Variants in SLX4IP observed in about 807,000 individuals in gnomAD.
SLX4IP encodes the protein protein SLX4IP.
Under a neutral mutation model 32.9 loss-of-function variants are expected in SLX4IP, and 34 were observed. That is an observed-to-expected ratio of 1.03 (90% CI 0.79 to 1.38). The LOEUF is 1.38. SLX4IP is among the 40% of genes most tolerant of loss of function. The pLI, the probability that SLX4IP is intolerant of heterozygous loss-of-function variation, is 0.00. For missense variants in SLX4IP, 444 were observed against 479.0 expected (o/e 0.93, Z 0.68); for synonymous variants, 172 against 171.7 (o/e 1.00, Z -0.01).
chr20:10,621,526 C>A, intron 7 of SLX4IP, 112 bp downstream of exon 7: 1 of 851,844 alleles, frequency 1.2e-6, no homozygotes, highest in South Asian at 1.5e-5. Context: ...AAACTCCCCT[C>A]CGTCACGTAC....
intron 2 of SLX4IP, among the ~76,000 whole-genome samples, chr20:10,468,439 T>G (rs1484811942): frequency 6.6e-6 from 1 of 152,230 alleles, no homozygotes. Flanking sequence ...TAAATGGATC[T>G]AATCTGAACT....
At chr20:10,532,531 A>G (rs2065998415) in intron 2 of SLX4IP, among the ~76,000 whole-genome samples, 1 of 152,150 alleles carries the variant, frequency 6.6e-6, no homozygotes, top group Non-Finnish European at 1.5e-5. Flanking sequence ...AGCCACATGC[A>G]GCAGGGTGTT....
At chr20:10,590,186 T>C (rs1600135308) in intron 4 of SLX4IP, among the ~76,000 whole-genome samples, 1 of 152,108 alleles carries the variant, frequency 6.6e-6, no homozygotes, top group Non-Finnish European at 1.5e-5. Flanking sequence ...TATTAATCTT[T>C]TTAAGACCTT....
At chr20:10,533,638 G>A (rs1469966448) in intron 2 of SLX4IP, among the ~76,000 whole-genome samples, 1 of 66,046 alleles carries the variant, frequency 1.5e-5, no homozygotes, top group African/African-American at 6.7e-5. Context: ...TTTTTTTTTT[G>A]AGGCAGGGTC....
intron 4 of SLX4IP, among the ~76,000 whole-genome samples, chr20:10,565,940 A>G (rs1016241394): frequency 6.6e-5 from 10 of 152,242 alleles, no homozygotes; most frequent in Non-Finnish European, 1.5e-4. Context: ...TCAACTAAAT[A>G]ATGAAGTGAA....
chr20:10,456,293 A>G lies in SLX4IP; in HGVS notation c.-29-1883A>G, dbSNP rs375029880. Among the ~76,000 whole-genome samples, 60 of 152,172 alleles carry G rather than the reference A, an allele frequency of 3.9e-4. No homozygotes were observed. In the East Asian group the frequency reaches 8.7e-3, roughly 22 times the overall value. On this transcript the variant is annotated intron_variant, in intron 1 of 7. Coordinates refer to ENST00000334534, the MANE Select transcript of SLX4IP (RefSeq NM_001009608.3). ...ATAAGGGATACTCAGCCTGTACCAT[A>G]CTGTTTTGATTGTTGTGATGTTGTA...
intron 3 of SLX4IP, among the ~76,000 whole-genome samples, chr20:10,559,626 C>A (rs973284237): frequency 3.3e-5 from 5 of 152,052 alleles, no homozygotes; most frequent in African/African-American, 9.7e-5. Flanking sequence ...GTCACAATTT[C>A]CTGTTAGTGC....
chr20:10,533,499 G>C (rs1036020019), intron 2 of SLX4IP, among the ~76,000 whole-genome samples: 6 of 151,770 alleles, frequency 4.0e-5, no homozygotes, highest in African/African-American at 1.5e-4. Context: ...TGAATTTTTA[G>C]TAGAGGCGGG....
At chr20:10,474,632 G>A (rs1410542559) in intron 2 of SLX4IP, among the ~76,000 whole-genome samples, 6 of 152,194 alleles carry the variant, frequency 3.9e-5, no homozygotes, top group East Asian at 1.9e-4. Context: ...AGGCCAGATG[G>A]GCCTTGGGGG....
rs1302260685 is a variant in SLX4IP, at chr20:10,458,212, C to CT, written c.9dup (p.Lys4Ter). On this transcript the variant is annotated frameshift_variant, in exon 2 of 8. Coordinates refer to ENST00000334534, the MANE Select transcript of SLX4IP (RefSeq NM_001009608.3). LOFTEE classifies it high-confidence loss of function. ...CTGTGGAATCAATAAGCCATGGCAT[C>CT]TAAGAAATTTGCTGTTAAAGTAAGT... The CT allele has an allele frequency of 6.3e-7, 1 of 1,588,502 alleles. No individual in the cohort carries two copies. Among genetic ancestry groups the CT allele is most frequent in the Non-Finnish European group, 8.5e-7 (1 of 1,171,514 alleles).
chr20:10,435,566 C>T (rs1022787752), intron 1 of SLX4IP, 113 bp downstream of exon 1: 8 of 152,232 alleles, frequency 5.3e-5, no homozygotes, highest in Admixed American at 5.2e-4. Context: ...TTTCCGAATC[C>T]TTCTCCCTGT....
chr20:10,586,415 C>T (rs2066645901), intron 4 of SLX4IP, among the ~76,000 whole-genome samples: 1 of 152,034 alleles, frequency 6.6e-6, no homozygotes, highest in Non-Finnish European at 1.5e-5. Context: ...ATAGAAAGTC[C>T]CTAGTTAATA....
At chr20:10,440,086 G>T (rs1482356327) in intron 1 of SLX4IP, among the ~76,000 whole-genome samples, 1 of 151,778 alleles carries the variant, frequency 6.6e-6, no homozygotes, top group East Asian at 1.9e-4. Flanking sequence ...CGTGGACATA[G>T]AAATTCATTT....
At chr20:10,489,399 G>T (rs1226384712) in intron 2 of SLX4IP, among the ~76,000 whole-genome samples, 1 of 152,024 alleles carries the variant, frequency 6.6e-6, no homozygotes, top group African/African-American at 2.4e-5. Flanking sequence ...TACCACCTAA[G>T]GCCTTCTCTT....
rs570299363 is a variant in SLX4IP, at chr20:10,520,164, C to T, written c.28-36067C>T. ...CTCTTGGGTTCAAGCGATTCTCCTGCCTCAGCCTCCTGAGTAGCTGGGACT... is the reference window on the plus strand; with the variant it reads ...CTCTTGGGTTCAAGCGATTCTCCTGTCTCAGCCTCCTGAGTAGCTGGGACT... On this transcript the variant is annotated intron_variant, in intron 2 of 7. Coordinates refer to ENST00000334534, the MANE Select transcript of SLX4IP (RefSeq NM_001009608.3). 5.5e-4 allele frequency among the ~76,000 whole-genome samples: 83 copies of T among 152,240 alleles called. No homozygotes were observed. The Middle Eastern group carries it at 0.01, about 19-fold the overall frequency.
At chr20:10,438,433 G>A (rs35767319) in intron 1 of SLX4IP, among the ~76,000 whole-genome samples, 71,156 of 148,980 alleles carry the variant, frequency 0.48, 18,565 homozygotes, top group Non-Finnish European at 0.59. Flanking sequence ...CTGATCTATC[G>A]CTGTAGATAA....
intron 2 of SLX4IP, among the ~76,000 whole-genome samples, chr20:10,542,114 C>T (rs1225705582): frequency 6.6e-6 from 1 of 152,212 alleles, no homozygotes; most frequent in Non-Finnish European, 1.5e-5. Context: ...GCAGTCAATC[C>T]TTTCCTGTGT....
chr20:10,539,741 T>A (rs1275909457), intron 2 of SLX4IP, among the ~76,000 whole-genome samples: 1 of 152,218 alleles, frequency 6.6e-6, no homozygotes. Flanking sequence ...CAGCAGTGGG[T>A]CTCAACCCAG....
chr20:10,565,805 A>G (rs1278751402), intron 4 of SLX4IP, among the ~76,000 whole-genome samples: 1 of 152,186 alleles, frequency 6.6e-6, no homozygotes, highest in Non-Finnish European at 1.5e-5. Flanking sequence ...TACAAAGGAA[A>G]TGTGCTCACC....
Sources: allele counts gnomAD v4.1 joint callset (sites outside exome capture counted in the v4.1 genomes callset), GRCh38; gene constraint gnomAD v4.1.1; transcripts MANE v1.5; gene names NCBI Gene and HGNC (gene_info 2026-07-23, HGNC 2026-07-21).